The following ELF4 variants were observed in gnomAD, a reference collection of about 807,000 sequenced individuals.
ELF4 encodes ETS-related transcription factor Elf-4.
ELF4 carries 10 observed loss-of-function variants against 31.7 expected under a neutral mutation model. That is an observed-to-expected ratio of 0.32 (90% CI 0.19 to 0.54). The LOEUF is 0.54. ELF4 is among the 20% of genes least tolerant of loss of function. ELF4 has a pLI of 0.95. For missense variants in ELF4, 418 were observed against 522.0 expected (o/e 0.80, Z 1.94); for synonymous variants, 208 against 226.7 (o/e 0.92, Z 0.74).
chrX:130,076,314 T>C (rs1295687464), intron 2 of ELF4, among the ~76,000 whole-genome samples: 1 of 111,112 alleles, frequency 9.0e-6, no homozygotes, highest in Non-Finnish European at 1.9e-5. Flanking sequence ...CGCTTGAGCC[T>C]AGGAGTTCAC....
intron 1 of ELF4, among the ~76,000 whole-genome samples, chrX:130,101,863 G>A (rs375306732): frequency 1.8e-4 from 20 of 109,912 alleles, no homozygotes; most frequent in South Asian, 1.1e-3. Context: ...CAGACTGGGC[G>A]CAGTGGCTCA....
chrX:130,070,686 C>T (rs368069210), intron 7 of ELF4, among the ~76,000 whole-genome samples: 28 of 101,068 alleles, frequency 2.8e-4, no homozygotes, highest in East Asian at 9.8e-4. Context: ...GCATGAGAAT[C>T]GCTTGAACCC....
chrX:130,107,361 T>C (rs1275916745), intron 1 of ELF4, among the ~76,000 whole-genome samples: 1 of 111,834 alleles, frequency 8.9e-6, no homozygotes, highest in African/African-American at 3.3e-5. Context: ...ACTCTGTGTG[T>C]GGGGAGGGTG....
In ELF4 at chrX:130,067,093, T is replaced by C. The variant is rs765340816; in HGVS notation, c.1620A>G (p.Pro540=). The C allele has an allele frequency of 3.3e-6, 4 of 1,206,361 alleles. No homozygotes were observed. The highest frequency in any genetic ancestry group is 5.9e-5 in the East Asian group (2 of 33,679). ...CCTGAACATAGGAGGAGGACCTCAG[T>C]GGCCCCTCCTTGACCCTAGGGGCTG... ...TTAAPRVKEG[P]LRSSSYVQGM... Residue 540 remains proline, a synonymous_variant, in exon 9 of 9, where the codon CCA becomes CCG. Transcript: ENST00000308167.
intron 1 of ELF4, among the ~76,000 whole-genome samples, chrX:130,102,880 GAGAGAGAAAGAAAGAAAGAA>G (rs1410680443): frequency 1.6e-3 from 70 of 44,623 alleles, no homozygotes; most frequent in African/African-American, 7.2e-3. Context: ...GAGAGAGAGA[GAGAGAGAAAGAAAGAAAGAA>G]AGAAAGAAAG....
At chrX:130,096,861 AT>A (rs1486418714) in intron 1 of ELF4, among the ~76,000 whole-genome samples, 43 of 111,079 alleles carry the variant, frequency 3.9e-4, no homozygotes, top group Non-Finnish European at 5.1e-4. Context: ...AAGGACTTTA[AT>A]TTCAGGTCTT....
At position 130,066,538 on chromosome X, in the gene ELF4, T is replaced by G; in HGVS notation, c.*183A>C. 4.0e-6 allele frequency: 2 copies of G among 494,759 alleles called. No homozygotes were observed. Among genetic ancestry groups the G allele is most frequent in the Admixed American group, 3.4e-5 (1 of 29,515 alleles). 40.8% of individuals were successfully genotyped at this position (494,759 alleles called of 1,213,427 possible). A position where few individuals can be genotyped will look rare whatever the true frequency, so the allele number is the denominator to read the frequency against. On this transcript the variant is annotated 3_prime_UTR_variant, in exon 9 of 9. Coordinates refer to ENST00000308167, the MANE Select transcript of ELF4 (RefSeq NM_001421.4). ...AGTGCTCTTGAAGGCCATAGTCTGA[T>G]GCCAGGGATGCTTAAGCTGGGCACT...
chrX:130,066,557 GGGCACTGTTTGGCCA>G lies in ELF4; in HGVS notation c.*149_*163del, dbSNP rs1932675880. On this transcript the variant is annotated 3_prime_UTR_variant, in exon 9 of 9. Transcript: ENST00000308167. ...GTCTGATGCCAGGGATGCTTAAGCT[GGGCACTGTTTGGCCA>G]CAGTGACACCAGGCAGGGCCGGGGG... 3.7e-6 allele frequency: 2 copies of G among 535,789 alleles called. No individual in the cohort carries two copies. 44.2% of individuals were successfully genotyped at this position (535,789 alleles called of 1,213,427 possible).
At chrX:130,072,173 A>AC in intron 5 of ELF4, 53 bp downstream of exon 5, 2,030 of 680,873 alleles carry the variant, frequency 3.0e-3, no homozygotes, top group Non-Finnish European at 4.1e-3. Context: ...CCGCCCCCCC[A>AC]CGCCCCGCCC....
chrX:130,108,435 G>GAA (rs1933413712), intron 1 of ELF4, among the ~76,000 whole-genome samples: 1 of 111,813 alleles, frequency 8.9e-6, no homozygotes, highest in African/African-American at 3.3e-5. Context: ...AAGAGCAGAG[G>GAA]TTTCCCCAGG....
rs1933464276 is a variant in ELF4 at position 130,110,484 on chromosome X, G to A, written c.-369C>T. On this transcript the variant is annotated 5_prime_UTR_variant, in exon 1 of 9. Coordinates refer to ENST00000308167, the MANE Select transcript of ELF4 (RefSeq NM_001421.4). ...GAGCGGCGCCAGGAACTCGGCGCCG[G>A]CGAAAGGAGAAGTGGAAGTTGAGCG... is the stretch of plus-strand genomic sequence containing the variant. 9.1e-6 allele frequency: 1 copy of A among 109,433 alleles called. No homozygotes were observed. The highest frequency in any genetic ancestry group is 1.9e-5 in the Non-Finnish European group (1 of 52,026). 9.0% of individuals were successfully genotyped at this position (109,433 alleles called of 1,213,427 possible).
At chrX:130,086,695 G>A (rs1368834137) in intron 1 of ELF4, among the ~76,000 whole-genome samples, 1 of 112,481 alleles carries the variant, frequency 8.9e-6, no homozygotes, top group African/African-American at 3.2e-5. Context: ...AGGGAGTCTC[G>A]GGTGAATAAA....
rs1932671059 is a variant in ELF4 at position 130,066,388 on chromosome X, G to A, written c.*333C>T. Reference sequence around the variant, plus strand: ...TAGGGAATGCAGCCAGTGAGATAGAGCCAGGTAGAAGGGCTCTTCTCACAA... The same window carrying A: ...TAGGGAATGCAGCCAGTGAGATAGAACCAGGTAGAAGGGCTCTTCTCACAA... On this transcript the variant is annotated 3_prime_UTR_variant, in exon 9 of 9. Transcript: ENST00000308167. 1 of 315,230 alleles carries A rather than the reference G, an allele frequency of 3.2e-6. No individual in the cohort carries two copies. The highest frequency in any genetic ancestry group is 5.5e-6 in the Non-Finnish European group (1 of 180,818). 26.0% of individuals were successfully genotyped at this position (315,230 alleles called of 1,213,427 possible).
upstream of ELF4, chrX:130,110,562 C>G (rs1204485147): frequency 3.7e-5 from 4 of 109,010 alleles, no homozygotes; most frequent in Non-Finnish European, 5.8e-5. Flanking sequence ...CCGCCCTCCT[C>G]CCCGCCCGCC....
intron 8 of ELF4, 83 bp downstream of exon 8, chrX:130,069,217 C>G: frequency 9.0e-7 from 1 of 1,109,718 alleles, no homozygotes; most frequent in Non-Finnish European, 1.2e-6. Flanking sequence ...GAGCGAGACT[C>G]CATCTCAAAA....
At chrX:130,071,938 G>A (rs935390830) in intron 5 of ELF4, among the ~76,000 whole-genome samples, 1 of 112,587 alleles carries the variant, frequency 8.9e-6, no homozygotes, top group African/African-American at 3.2e-5. Flanking sequence ...GGACTGGCCA[G>A]GGGGCCGAGC....
At chrX:130,085,690 C>T (rs1932950399) in intron 1 of ELF4, among the ~76,000 whole-genome samples, 1 of 112,033 alleles carries the variant, frequency 8.9e-6, no homozygotes, top group African/African-American at 3.2e-5. Flanking sequence ...CACAATTCTC[C>T]TTCTCCGGTT....
In ELF4 at chrX:130,069,316, G is replaced by C; in HGVS notation, c.1171C>G (p.Leu391Val). ...TGCCCTTACCTCACAGCTTTGGTGA[G>C]CTTGACCTGGCCCTCTGCTGGAGAG... is the stretch of plus-strand genomic sequence containing the variant. ...LVSPAEGQVKLTKAVSASSVP... is the reference protein window; with the variant it reads ...LVSPAEGQVKVTKAVSASSVP... Residue 391 changes from leucine to valine, a missense_variant, in exon 8 of 9, where the codon CTC (leucine) becomes GTC (valine). This residue lies in a region of ELF4 where 260 missense variants were observed against 269.2 expected (regional missense o/e 0.97). Coordinates refer to ENST00000308167, the MANE Select transcript of ELF4 (RefSeq NM_001421.4). 1.6e-6 allele frequency: 2 copies of C among 1,212,236 alleles called. No individual in the cohort carries two copies. Among genetic ancestry groups the C allele is most frequent in the Non-Finnish European group, 2.2e-6 (2 of 895,656 alleles).
In ELF4 at chrX:130,074,642, TATG is replaced by T. The variant is rs750729042; in HGVS notation, c.183_185del (p.Ile62del). The T allele has an allele frequency of 8.3e-7, 1 of 1,211,859 alleles. No homozygotes were observed. The highest frequency in any genetic ancestry group is 1.1e-6 in the Non-Finnish European group (1 of 895,603). On this transcript the variant is annotated inframe_deletion, in exon 3 of 9. Transcript: ENST00000308167. ...GCGTCATGCACAAGGTCCCGTCTGTTATGATGCCATTGTGAACGTCGTCCAACT... is the reference window on the plus strand; with the variant it reads ...GCGTCATGCACAAGGTCCCGTCTGTTATGCCATTGTGAACGTCGTCCAACT...
Sources: gnomAD v4.1 joint callset for allele counts (sites outside exome capture counted in the v4.1 genomes callset) on GRCh38, gnomAD v4.1.1 for gene constraint, gnomAD v4.1.1 regional missense constraint, MANE v1.5 for transcripts, NCBI Gene and HGNC (gene_info 2026-07-23, HGNC 2026-07-21) for gene names.